Variants in STAMBP observed in about 807,000 individuals in gnomAD.
The protein encoded by STAMBP is STAM-binding protein.
STAMBP carries 31 observed loss-of-function variants against 50.7 expected under a neutral mutation model. The observed-to-expected ratio is 0.61, with a 90% CI of 0.46 to 0.83. STAMBP has a LOEUF of 0.83. Among genes scored for constraint, STAMBP ranks in the 40% least tolerant of loss-of-function variants. STAMBP has a pLI of 0.00. For synonymous variants in STAMBP, 211 were observed against 192.4 expected, an observed-to-expected ratio of 1.10 and a Z score of -0.80; for missense variants, 472 against 518.9, an observed-to-expected ratio of 0.91 and a Z score of 0.88.
intron 2 of STAMBP, among the ~76,000 whole-genome samples, chr2:73,843,425 T>TATATATATATATATATATATATATAC (rs1675685158): frequency 1.4e-5 from 2 of 146,460 alleles, no homozygotes; most frequent in Non-Finnish European, 1.5e-5. Flanking sequence ...TATATGTATA[T>TATATATATATATATATATATATATAC]ATATATATAA....
Position 73,830,885 on chromosome 2 carries a change from C to T in STAMBP, c.29C>T (p.Pro10Leu), listed in dbSNP as rs767316172. 50 of 1,613,354 alleles carry T rather than the reference C, an allele frequency of 3.1e-5. No homozygotes were observed. The East Asian group carries it at 4.5e-4, about 14-fold the overall frequency. The change falls in exon 2 of 10, where the codon CCG becomes CTG. Residue 10 changes from proline (P) to leucine (L), a missense_variant. Pro to Leu is a moderately conservative substitution (Grantham distance 98). Transcript: ENST00000394070. ...TCTGACCATGGAGATGTGAGCCTCC[C>T]GCCCGAAGACCGGGTGAGGGCTCTC... MSDHGDVSL[P>L]PEDRVRALSQ...
At chr2:73,839,710 C>T (rs182344786) in intron 2 of STAMBP, among the ~76,000 whole-genome samples, 18 of 152,260 alleles carry the variant, frequency 1.2e-4, no homozygotes, top group Non-Finnish European at 1.8e-4. Context: ...AAAGAGAAGT[C>T]TCATCTATCA....
intron 2 of STAMBP, among the ~76,000 whole-genome samples, chr2:73,837,296 A>G (rs1234504890): frequency 6.6e-6 from 1 of 152,228 alleles, no homozygotes; most frequent in Non-Finnish European, 1.5e-5. Context: ...TTGATAAAGA[A>G]CACATTAGGC....
At chr2:73,861,091 A>G (rs1441821976) in intron 9 of STAMBP, among the ~76,000 whole-genome samples, 1 of 152,216 alleles carries the variant, frequency 6.6e-6, no homozygotes, top group Non-Finnish European at 1.5e-5. Context: ...AACAAAGACT[A>G]CACAATCAGA....
In STAMBP at chr2:73,864,125, T is replaced by C. The variant is rs1275815789; in HGVS notation, c.*1866T>C. On this transcript the variant is annotated 3_prime_UTR_variant, in exon 10 of 10. Coordinates refer to ENST00000394070, the MANE Select transcript of STAMBP (RefSeq NM_213622.4). ...TGAATCTCTAGGGTGGAGCCTCAGA[T>C]GTTGTTTCTGCATTTGTCTTTCAAG... The C allele has an allele frequency of 6.6e-6, 1 of 152,220 alleles. No individual in the cohort carries two copies. Among genetic ancestry groups the C allele is most frequent in the Non-Finnish European group, 1.5e-5 (1 of 68,040 alleles). The allele number at this position is 152,220 out of a possible 1,614,324, so 9.4% of individuals were successfully genotyped here.
chr2:73,837,490 C>T (rs985120163), intron 2 of STAMBP, among the ~76,000 whole-genome samples: 65 of 143,288 alleles, frequency 4.5e-4, no homozygotes, highest in Admixed American at 9.2e-4. Flanking sequence ...AAGGCTGAGG[C>T]AGGAGAATGG....
At chr2:73,868,884 G>GA (rs60251936), downstream of STAMBP, among the ~76,000 whole-genome samples, 549 of 150,048 alleles carry the variant, frequency 3.7e-3, 4 homozygotes, top group African/African-American at 0.013. Flanking sequence ...CTCAAAAAAA[G>GA]AAAAAAAAAG....
intron 2 of STAMBP, among the ~76,000 whole-genome samples, chr2:73,832,103 A>ATATATG (rs1297306936): frequency 7.4e-6 from 1 of 135,516 alleles, no homozygotes; most frequent in Non-Finnish European, 1.5e-5. Flanking sequence ...ATATATATAT[A>ATATATG]TATATACACA....
intron 2 of STAMBP, among the ~76,000 whole-genome samples, chr2:73,834,801 T>G (rs531709436): frequency 6.6e-6 from 1 of 152,242 alleles, no homozygotes; most frequent in Admixed American, 6.5e-5. Context: ...TCCAAGAGCA[T>G]AGGGCAGAGC....
chr2:73,834,229 AAAAAAAAATATATATATATATATATATAT>A lies in STAMBP; in HGVS notation c.203+3172_203+3200del, dbSNP rs1460582118. ...TGTCTTAAAAAAAAAAAAAAAAAAA[AAAAAAAAATATATATATATATATATATAT>A]ATATATATATATATATATATATATA... On this transcript the variant is annotated intron_variant, in intron 2 of 9. Transcript: ENST00000394070. 7.5e-3 allele frequency among the ~76,000 whole-genome samples: 151 copies of A among 20,146 alleles called. 7 individuals carry two copies. Among genetic ancestry groups the A allele is most frequent in the African/African-American group, 0.027 (148 of 5,574 alleles). 13.2% of individuals were successfully genotyped at this position (20,146 alleles called of 152,430 possible).
intron 2 of STAMBP, among the ~76,000 whole-genome samples, chr2:73,831,461 C>A (rs2104102064): frequency 6.6e-6 from 1 of 152,274 alleles, no homozygotes; most frequent in East Asian, 1.9e-4. Flanking sequence ...TTTAGTGATA[C>A]AGGAAAAAAT....
chr2:73,857,467 C>T (rs912049656), intron 7 of STAMBP, among the ~76,000 whole-genome samples: 11 of 152,176 alleles, frequency 7.2e-5, no homozygotes, highest in African/African-American at 2.7e-4. Flanking sequence ...CCACTGCCTT[C>T]AAACAAGGGA....
At chr2:73,867,500 C>G (rs995349920), downstream of STAMBP, among the ~76,000 whole-genome samples, 18 of 152,032 alleles carry the variant, frequency 1.2e-4, no homozygotes, top group African/African-American at 4.1e-4. Context: ...GCCAAGATCA[C>G]GCCATTGCAC....
At chr2:73,869,740 AAAAAAT>A (rs1453343432), downstream of STAMBP, among the ~76,000 whole-genome samples, 1 of 152,140 alleles carries the variant, frequency 6.6e-6, no homozygotes, top group Non-Finnish European at 1.5e-5. Context: ...ATAAAACTTT[AAAAAAT>A]AAAAATAAAA....
At chr2:73,856,437 T>C (rs1677559626) in intron 7 of STAMBP, among the ~76,000 whole-genome samples, 1 of 152,238 alleles carries the variant, frequency 6.6e-6, no homozygotes, top group African/African-American at 2.4e-5. Flanking sequence ...CTCAGTGGTA[T>C]GAAGAGACCT....
Position 73,857,869 on chromosome 2 carries a change from G to A in STAMBP, c.1006-1385G>A, listed in dbSNP as rs990667967. Among the ~76,000 whole-genome samples the A allele has an allele frequency of 2.4e-4, 36 of 152,144 alleles. 1 individual carries two copies. The highest frequency in any genetic ancestry group is 8.7e-4 in the African/African-American group (36 of 41,512). ...TCTGTTTAGTTGTCATTCTGCTGGGGACAATGCAATCTAAGTTATTTCATT... is the reference window on the plus strand; with the variant it reads ...TCTGTTTAGTTGTCATTCTGCTGGGAACAATGCAATCTAAGTTATTTCATT... On this transcript the variant is annotated intron_variant, in intron 7 of 9. Coordinates refer to ENST00000394070, the MANE Select transcript of STAMBP (RefSeq NM_213622.4).
At chr2:73,839,533 C>G (rs1675120473) in intron 2 of STAMBP, among the ~76,000 whole-genome samples, 1 of 152,182 alleles carries the variant, frequency 6.6e-6, no homozygotes, top group African/African-American at 2.4e-5. Flanking sequence ...TCATGCTTAC[C>G]ATGCTGAGTA....
At chr2:73,843,768 C>CGA (rs1675731525) in intron 2 of STAMBP, among the ~76,000 whole-genome samples, 4 of 152,160 alleles carry the variant, frequency 2.6e-5, no homozygotes, top group African/African-American at 7.2e-5. Flanking sequence ...ATTGAGGATT[C>CGA]TTCTTCCAAT....
chr2:73,870,824 T>A (rs551095247), downstream of STAMBP, among the ~76,000 whole-genome samples: 1 of 151,044 alleles, frequency 6.6e-6, no homozygotes, highest in African/African-American at 2.4e-5. Context: ...CTGTGCCACG[T>A]TGAACAGCTC....
Sources: allele counts gnomAD v4.1 joint callset (sites outside exome capture counted in the v4.1 genomes callset), GRCh38; gene constraint gnomAD v4.1.1; transcripts MANE v1.5; gene names NCBI Gene and HGNC (gene_info 2026-07-23, HGNC 2026-07-21).